TMEM35A: variants seen among roughly 807,000 people sequenced by gnomAD.
TMEM35A encodes transmembrane protein 35A.
For missense variants in TMEM35A, 83 were observed against 132.7 expected, an observed-to-expected ratio of 0.63 and a Z score of 1.84; for synonymous variants, 50 against 54.7, an observed-to-expected ratio of 0.91 and a Z score of 0.38.
chrX:101,080,058 C>T (rs1189803466), intron 1 of TMEM35A, among the ~76,000 whole-genome samples: 2 of 111,896 alleles, frequency 1.8e-5, no homozygotes, highest in Admixed American at 1.9e-4. Flanking sequence ...CCCTTCTTCC[C>T]CTGTCACTTT....
At chrX:101,085,425 A>AC (rs1384947982) in intron 1 of TMEM35A, among the ~76,000 whole-genome samples, 1 of 110,079 alleles carries the variant, frequency 9.1e-6, no homozygotes, top group Non-Finnish European at 1.9e-5. Flanking sequence ...ACATGGTGAA[A>AC]CCCCATCTCT....
At chrX:101,093,573 C>T (rs1443117856) in intron 1 of TMEM35A, among the ~76,000 whole-genome samples, 1 of 111,063 alleles carries the variant, frequency 9.0e-6, no homozygotes, top group Non-Finnish European at 1.9e-5. Flanking sequence ...CTCGGCCTCC[C>T]AAAATGCTGG....
At chrX:101,087,807 G>A (rs2089311867) in intron 1 of TMEM35A, among the ~76,000 whole-genome samples, 2 of 111,218 alleles carry the variant, frequency 1.8e-5, no homozygotes, top group African/African-American at 6.5e-5. Flanking sequence ...AGTTTGAGAC[G>A]AGCCTGGCCA....
intron 1 of TMEM35A, 37 bp from the exon 2 acceptor site, chrX:101,094,535 GT>G: frequency 8.7e-7 from 1 of 1,154,626 alleles, no homozygotes; most frequent in Non-Finnish European, 1.2e-6. Context: ...TAAAATCATG[GT>G]TAATGCAGTA....
intron 1 of TMEM35A, among the ~76,000 whole-genome samples, chrX:101,094,130 T>A (rs781606436): frequency 9.0e-6 from 1 of 111,277 alleles, no homozygotes; most frequent in African/African-American, 3.3e-5. Flanking sequence ...TGGATTTTTT[T>A]TTTTTGATGG....
chrX:101,095,278 TTAAC>T lies in TMEM35A; in HGVS notation c.*325_*328del, dbSNP rs1271899536. 1.9e-5 allele frequency: 4 copies of T among 212,182 alleles called. No individual in the cohort carries two copies. Among genetic ancestry groups the T allele is most frequent in the Non-Finnish European group, 3.2e-5 (4 of 123,527 alleles). The allele number at this position is 212,182 out of a possible 1,213,427, so 17.5% of individuals were successfully genotyped here. A position where few individuals can be genotyped will look rare whatever the true frequency, so the allele number is the denominator to read the frequency against. The stretch of plus-strand genomic sequence containing the variant: ...TGAGATTGTGTGTGGGAAAATGTAT[TTAAC>T]TACTCTGTGTGTGTGTGTGTGTGTG... On this transcript the variant is annotated 3_prime_UTR_variant, in exon 2 of 2. Transcript: ENST00000372930.
At chrX:101,093,307 C>CTTAT (rs745306988) in intron 1 of TMEM35A, among the ~76,000 whole-genome samples, 1,216 of 110,586 alleles carry the variant, frequency 0.011, 8 homozygotes, top group African/African-American at 0.013. Flanking sequence ...TATTTATTTG[C>CTTAT]TTATTTATTT....
intron 1 of TMEM35A, among the ~76,000 whole-genome samples, chrX:101,085,016 A>C (rs2089303022): frequency 8.9e-6 from 1 of 111,979 alleles, no homozygotes; most frequent in Non-Finnish European, 1.9e-5. Flanking sequence ...AACATAAGTC[A>C]ATTGTACCTG....
Position 101,094,809 on chromosome X carries a change from G to T in TMEM35A, c.357G>T (p.Leu119=). Reference sequence around the variant, plus strand: ...CTCTCAAACGCTACGCCCATGCTCTGGTGTTTGGAATCCTGCTCACTTGCC... The same window carrying T: ...CTCTCAAACGCTACGCCCATGCTCTTGTGTTTGGAATCCTGCTCACTTGCC... ...GDPLKRYAHA[L]VFGILLTCRL... is the part of the protein sequence containing the mutation. Residue 119 remains leucine (L), a synonymous_variant, in exon 2 of 2, where the codon CTG becomes CTT. Coordinates refer to ENST00000372930, the MANE Select transcript of TMEM35A (RefSeq NM_021637.3). 8.3e-7 allele frequency: 1 copy of T among 1,211,191 alleles called. No individual in the cohort carries two copies. The highest frequency in any genetic ancestry group is 1.8e-5 in the South Asian group (1 of 56,982).
At chrX:101,087,592 A>G (rs1460952597) in intron 1 of TMEM35A, among the ~76,000 whole-genome samples, 1 of 112,114 alleles carries the variant, frequency 8.9e-6, no homozygotes, top group Non-Finnish European at 1.9e-5. Context: ...CTGAAGTTAT[A>G]GGAACTTGAT....
chrX:101,087,943 C>T (rs772058344), intron 1 of TMEM35A, among the ~76,000 whole-genome samples: 3 of 110,822 alleles, frequency 2.7e-5, no homozygotes, highest in East Asian at 2.9e-4. Flanking sequence ...ACCTGGGAGG[C>T]GGAGGTTGTG....
At position 101,082,102 on chromosome X, in the gene TMEM35A, G is replaced by T. The variant is rs773467517; in HGVS notation, c.120+2980G>T. Among the ~76,000 whole-genome samples the T allele has an allele frequency of 2.7e-3, 141 of 52,198 alleles. 1 individual carries two copies. Among genetic ancestry groups the T allele is most frequent in the South Asian group, 0.018 (15 of 823 alleles). 45.3% of individuals were successfully genotyped at this position (52,198 alleles called of 115,157 possible). On this transcript the variant is annotated intron_variant, in intron 1 of 1. Coordinates refer to ENST00000372930, the MANE Select transcript of TMEM35A (RefSeq NM_021637.3). ...ATCAATTTTTAAAATTTAGATTTTTGATTTGATTTCTTTTTTCTTTTTCTT... is the reference window on the plus strand; with the variant it reads ...ATCAATTTTTAAAATTTAGATTTTTTATTTGATTTCTTTTTTCTTTTTCTT...
At chrX:101,094,367 G>A (rs1293534490) in intron 1 of TMEM35A, 8 of 310,422 alleles carry the variant, frequency 2.6e-5, no homozygotes, top group Admixed American at 5.7e-5. Flanking sequence ...TGCCCACCTC[G>A]GCCTCCCAAA....
rs188708580 is a variant in TMEM35A, at chrX:101,079,178, C to T, written c.120+56C>T. 335 of 1,183,817 alleles carry T rather than the reference C, an allele frequency of 2.8e-4. No individual in the cohort carries two copies. In the African/African-American group the frequency reaches 5.2e-3, roughly 18 times the overall value. ...CACTCCCATGGGATTGCGAGGACCT[C>T]TCCCCTTTTTTCCTTCTCAGTTTCT... On this transcript the variant is annotated intron_variant, in intron 1 of 1. Transcript: ENST00000372930.
intron 1 of TMEM35A, among the ~76,000 whole-genome samples, chrX:101,088,850 A>T (rs958807129): frequency 1.8e-5 from 2 of 110,333 alleles, no homozygotes; most frequent in African/African-American, 6.6e-5. Context: ...ATTTGCAGTG[A>T]GCCGAGCCAC....
chrX:101,079,252 C>A, intron 1 of TMEM35A, 130 bp downstream of exon 1: 1 of 824,879 alleles, frequency 1.2e-6, no homozygotes, highest in Non-Finnish European at 1.7e-6. Flanking sequence ...CCGTTCTCAA[C>A]AACTTTGCAG....
chrX:101,082,109 TTTC>T (rs1205926139), intron 1 of TMEM35A, among the ~76,000 whole-genome samples: 10 of 103,084 alleles, frequency 9.7e-5, no homozygotes, highest in Non-Finnish European at 9.8e-5. Flanking sequence ...TTTGATTTGA[TTTC>T]TTTTTTCTTT....
chrX:101,082,747 C>T (rs777782655), intron 1 of TMEM35A, among the ~76,000 whole-genome samples: 118 of 110,188 alleles, frequency 1.1e-3, no homozygotes, highest in African/African-American at 3.7e-3. Context: ...CGGGTTCAAG[C>T]GATTCTCCTG....
At position 101,095,862 on chromosome X, in the gene TMEM35A, C is replaced by T. The variant is rs1275387351; in HGVS notation, c.*906C>T. The T allele has an allele frequency of 1.8e-5, 2 of 112,109 alleles. No individual in the cohort carries two copies. The highest frequency in any genetic ancestry group is 3.8e-5 in the Non-Finnish European group (2 of 53,275). 9.2% of individuals were successfully genotyped at this position (112,109 alleles called of 1,213,427 possible). On this transcript the variant is annotated 3_prime_UTR_variant, in exon 2 of 2. Transcript: ENST00000372930. ...GCAGCCAACCAGGATTTGGCAGCTGCTCCACTGTTACGGTTGAGGGAACAG... is the reference window on the plus strand; with the variant it reads ...GCAGCCAACCAGGATTTGGCAGCTGTTCCACTGTTACGGTTGAGGGAACAG...
Sources: gnomAD v4.1 joint callset for allele counts (sites outside exome capture counted in the v4.1 genomes callset) on GRCh38, gnomAD v4.1.1 for gene constraint, MANE v1.5 for transcripts, NCBI Gene and HGNC (gene_info 2026-07-23, HGNC 2026-07-21) for gene names.